PRIMA1: variants seen among roughly 807,000 people sequenced by gnomAD.
The protein encoded by PRIMA1 is proline-rich membrane anchor 1.
Under a neutral mutation model 17.5 loss-of-function variants are expected in PRIMA1, and 7 were observed. That is an observed-to-expected ratio of 0.40 (90% confidence interval 0.23 to 0.75). PRIMA1 has a LOEUF of 0.75. Among genes scored for constraint, PRIMA1 ranks in the 30% least tolerant of loss-of-function variants. The pLI is 0.37. For missense variants in PRIMA1, 200 were observed against 201.8 expected (o/e 0.99, Z 0.05); for synonymous variants, 97 against 77.9 (o/e 1.25, Z -1.29).
chr14:93,741,330 C>T (rs1595198575), intron 3 of PRIMA1, among the ~76,000 whole-genome samples: 1 of 152,200 alleles, frequency 6.6e-6, no homozygotes, highest in East Asian at 1.9e-4. Flanking sequence ...GGGTTGGGAC[C>T]CTGATCTTTG....
chr14:93,761,786 C>T (rs751332790), intron 3 of PRIMA1, among the ~76,000 whole-genome samples: 4 of 152,162 alleles, frequency 2.6e-5, no homozygotes, highest in East Asian at 3.8e-4. Flanking sequence ...AATGACTGAA[C>T]GGACCTCATG....
intron 3 of PRIMA1, among the ~76,000 whole-genome samples, chr14:93,771,182 A>G (rs533668039): frequency 6.6e-6 from 1 of 152,266 alleles, no homozygotes; most frequent in South Asian, 2.1e-4. Flanking sequence ...ATGTGGATGC[A>G]GGGCGGTATG....
chr14:93,773,184 A>G (rs550170707), intron 3 of PRIMA1, among the ~76,000 whole-genome samples: 16 of 152,334 alleles, frequency 1.1e-4, no homozygotes, highest in South Asian at 8.3e-4. Flanking sequence ...TTTTGAGCAC[A>G]AAGTTTCTGC....
chr14:93,779,524 C>T (rs1343340539), intron 2 of PRIMA1, among the ~76,000 whole-genome samples: 2 of 152,140 alleles, frequency 1.3e-5, no homozygotes, highest in Non-Finnish European at 2.9e-5. Flanking sequence ...AGGTTTTCTT[C>T]CTAGCTTTGC....
intron 3 of PRIMA1, among the ~76,000 whole-genome samples, chr14:93,761,308 GCCACTGCACT>G: frequency 6.6e-6 from 1 of 152,108 alleles, no homozygotes; most frequent in Non-Finnish European, 1.5e-5. Context: ...CGGAGATTGT[GCCACTGCACT>G]CCACCTTGGG....
rs116586122 is a variant in PRIMA1 at position 93,748,700 on chromosome 14, T to A, written c.230-11330A>T. 3.2e-3 allele frequency among the ~76,000 whole-genome samples: 488 copies of A among 152,264 alleles called. 4 individuals are homozygous for A. Among genetic ancestry groups the A allele is most frequent in the African/African-American group, 0.012 (479 of 41,556 alleles). Reference sequence around the variant, plus strand: ...CTGCGGGCCACTTGCTCCCCTGGCTTATCTATTTCTGCCTGGTGCTCTGTG... The same window carrying A: ...CTGCGGGCCACTTGCTCCCCTGGCTAATCTATTTCTGCCTGGTGCTCTGTG... On this transcript the variant is annotated intron_variant, in intron 3 of 4. Transcript: ENST00000393140.
intron 2 of PRIMA1, among the ~76,000 whole-genome samples, chr14:93,785,325 A>C (rs1207640057): frequency 6.6e-6 from 1 of 152,194 alleles, no homozygotes; most frequent in Non-Finnish European, 1.5e-5. Context: ...ACTTTCTGGC[A>C]ATTTAAATAT....
rs112964819 is a variant in PRIMA1, at chr14:93,743,914, C to T, written c.230-6544G>A. Reference sequence around the variant, plus strand: ...CGGTGCGCGCTGAAAGGGGGCGGGACGCTGAAAAGCACTTAGGAACGTGTG... The same window carrying T: ...CGGTGCGCGCTGAAAGGGGGCGGGATGCTGAAAAGCACTTAGGAACGTGTG... On this transcript the variant is annotated intron_variant, in intron 3 of 4. Transcript: ENST00000393140. Among the ~76,000 whole-genome samples the T allele has an allele frequency of 6.4e-3, 978 of 152,346 alleles. 16 individuals carry two copies. Among genetic ancestry groups the T allele is most frequent in the African/African-American group, 0.022 (918 of 41,578 alleles).
At chr14:93,755,608 G>A (rs1227800880) in intron 3 of PRIMA1, among the ~76,000 whole-genome samples, 2 of 152,084 alleles carry the variant, frequency 1.3e-5, no homozygotes, top group Non-Finnish European at 2.9e-5. Context: ...ACTGCCTGGT[G>A]GTGTTACTTC....
intron 3 of PRIMA1, among the ~76,000 whole-genome samples, chr14:93,738,282 C>T (rs986930095): frequency 2.0e-5 from 3 of 152,140 alleles, no homozygotes; most frequent in Non-Finnish European, 4.4e-5. Context: ...GAGGCCGGTT[C>T]GCTTTCCTCT....
At chr14:93,732,692 G>C (rs1379463698) in intron 4 of PRIMA1, among the ~76,000 whole-genome samples, 2 of 152,238 alleles carry the variant, frequency 1.3e-5, no homozygotes, top group Non-Finnish European at 2.9e-5. Flanking sequence ...CTGAATGCCT[G>C]AGTGGTGATG....
intron 3 of PRIMA1, among the ~76,000 whole-genome samples, chr14:93,771,631 T>C (rs1885073356): frequency 6.6e-6 from 1 of 152,182 alleles, no homozygotes; most frequent in African/African-American, 2.4e-5. Context: ...ATGTTGGTGT[T>C]GTAGCTTTTG....
chr14:93,771,838 C>CAGGGA (rs2141188009), intron 3 of PRIMA1, among the ~76,000 whole-genome samples: 1 of 152,182 alleles, frequency 6.6e-6, no homozygotes, highest in East Asian at 1.9e-4. Flanking sequence ...GAGTGAGGCC[C>CAGGGA]AGGGAAGGAA....
At chr14:93,739,929 G>C (rs1207459038) in intron 3 of PRIMA1, among the ~76,000 whole-genome samples, 1 of 152,036 alleles carries the variant, frequency 6.6e-6, no homozygotes, top group Non-Finnish European at 1.5e-5. Flanking sequence ...ATCTGGGCAT[G>C]GTGGCAGGCA....
intron 3 of PRIMA1, among the ~76,000 whole-genome samples, chr14:93,774,793 T>C (rs948613707): frequency 1.3e-5 from 2 of 152,226 alleles, no homozygotes; most frequent in African/African-American, 2.4e-5. Flanking sequence ...CACAGGACGA[T>C]TACAGCAATG....
intron 2 of PRIMA1, 78 bp downstream of exon 2, chr14:93,787,545 GCCA>G: frequency 6.5e-7 from 1 of 1,529,518 alleles, no homozygotes; most frequent in Admixed American, 2.0e-5. Flanking sequence ...GCTGCAAGAG[GCCA>G]GGGTCTCAGG....
chr14:93,769,420 CACAGGGTAGCAAAAG>C (rs1276066477), intron 3 of PRIMA1, among the ~76,000 whole-genome samples: 3 of 152,162 alleles, frequency 2.0e-5, no homozygotes, highest in Non-Finnish European at 2.9e-5. Flanking sequence ...GCAAGTGGAT[CACAGGGTAGCAAAAG>C]ACGAGCATTC....
At chr14:93,738,138 AC>A (rs2076163143) in intron 3 of PRIMA1, among the ~76,000 whole-genome samples, 1 of 152,180 alleles carries the variant, frequency 6.6e-6, no homozygotes, top group African/African-American at 2.4e-5. Context: ...GAAAAGTGTC[AC>A]TGACAAGGCA....
intron 4 of PRIMA1, among the ~76,000 whole-genome samples, chr14:93,722,448 G>C (rs1398479800): frequency 1.3e-5 from 2 of 151,916 alleles, no homozygotes; most frequent in African/African-American, 4.8e-5. Context: ...GATGGTGGCA[G>C]CAGTGATGAT....
Sources: allele counts gnomAD v4.1 joint callset (sites outside exome capture counted in the v4.1 genomes callset), GRCh38; gene constraint gnomAD v4.1.1; transcripts MANE v1.5; gene names NCBI Gene and HGNC (gene_info 2026-07-23, HGNC 2026-07-21).